Variants in UIMC1 observed in about 807,000 individuals in gnomAD.
The protein encoded by UIMC1 is ubiquitin interaction motif containing 1, also known as BRCA1-A complex subunit RAP80.
UIMC1 carries 42 observed loss-of-function variants against 84.9 expected under a neutral mutation model. The ratio of observed to expected loss-of-function variants is 0.49; its 90% CI spans 0.39 to 0.64. The LOEUF is 0.64. Ranked by LOEUF, UIMC1 falls within the 30% of genes least tolerant of loss-of-function variation. The pLI is 0.00. For missense variants in UIMC1, 825 were observed against 847.6 expected (o/e 0.97, Z 0.33); for synonymous variants, 281 against 293.0 (o/e 0.96, Z 0.42).
intron 12 of UIMC1, 105 bp from the exon 13 acceptor site, chr5:176,907,282 G>A: frequency 1.8e-6 from 2 of 1,103,548 alleles, no homozygotes; most frequent in East Asian, 2.6e-5. Context: ...AAGGTGTGGG[G>A]GCCACAGCTC....
intron 1 of UIMC1, among the ~76,000 whole-genome samples, chr5:176,999,252 TAA>T (rs1175673575): frequency 5.9e-5 from 9 of 152,166 alleles, no homozygotes; most frequent in African/African-American, 1.9e-4. Context: ...TTTTAGCATA[TAA>T]GTCTTATACA....
intron 1 of UIMC1, among the ~76,000 whole-genome samples, chr5:176,983,573 C>T (rs1235587126): frequency 3.9e-5 from 6 of 151,998 alleles, no homozygotes; most frequent in Admixed American, 1.3e-4. Context: ...GGCATGATCT[C>T]GGCTCGCTAC....
intron 13 of UIMC1, 97 bp from the exon 14 acceptor site, chr5:176,906,144 C>G (rs1561698771): frequency 5.3e-6 from 6 of 1,129,746 alleles, no homozygotes; most frequent in Non-Finnish European, 7.8e-6. Context: ...GGCACTGCTT[C>G]TCATCAGGCC....
chr5:176,913,426 T>TTAAC (rs1760522584), intron 10 of UIMC1, among the ~76,000 whole-genome samples: 2 of 152,270 alleles, frequency 1.3e-5, no homozygotes, highest in Admixed American at 6.5e-5. Context: ...ACCTTCCTAA[T>TTAAC]TAACCTCTTT....
At chr5:176,943,065 A>AG (rs1764638279) in intron 10 of UIMC1, among the ~76,000 whole-genome samples, 1 of 150,642 alleles carries the variant, frequency 6.6e-6, no homozygotes, top group Non-Finnish European at 1.5e-5. Context: ...CTCAAAAAAC[A>AG]AACAGAACAA....
chr5:176,980,512 C>A (rs1770870745), intron 2 of UIMC1, among the ~76,000 whole-genome samples: 1 of 152,150 alleles, frequency 6.6e-6, no homozygotes, highest in Non-Finnish European at 1.5e-5. Flanking sequence ...GAAGAAATTA[C>A]TGCCTTCAGA....
chr5:176,996,998 A>G (rs373543322), intron 1 of UIMC1, among the ~76,000 whole-genome samples: 9 of 152,202 alleles, frequency 5.9e-5, no homozygotes, highest in African/African-American at 2.2e-4. Flanking sequence ...CTTCCTACAT[A>G]ACCCTGCTCA....
At chr5:176,963,387 G>A (rs927042090) in intron 6 of UIMC1, among the ~76,000 whole-genome samples, 25 of 151,874 alleles carry the variant, frequency 1.6e-4, no homozygotes, top group Non-Finnish European at 4.4e-5. Flanking sequence ...CAGGCATGGT[G>A]GTGCATGCCT....
intron 1 of UIMC1, among the ~76,000 whole-genome samples, chr5:177,012,495 C>T (rs1437839834): frequency 6.6e-6 from 1 of 152,082 alleles, no homozygotes; most frequent in East Asian, 1.9e-4. Flanking sequence ...GGGTTCGTGA[C>T]CAGCCTGGCC....
intron 1 of UIMC1, among the ~76,000 whole-genome samples, chr5:176,996,926 A>C (rs930662013): frequency 1.3e-5 from 2 of 152,168 alleles, no homozygotes; most frequent in African/African-American, 4.8e-5. Context: ...ATAAACTCTC[A>C]AAATATCCCA....
chr5:176,912,360 T>G (rs1286449227), intron 10 of UIMC1, among the ~76,000 whole-genome samples: 1 of 152,248 alleles, frequency 6.6e-6, no homozygotes, highest in South Asian at 2.1e-4. Context: ...CTGGTTAGAT[T>G]TGACCCATGG....
intron 1 of UIMC1, among the ~76,000 whole-genome samples, chr5:176,986,677 C>G (rs1772074979): frequency 6.6e-6 from 1 of 151,808 alleles, no homozygotes; most frequent in Non-Finnish European, 1.5e-5. Flanking sequence ...CCTGTCTCTA[C>G]AAAAAATTAA....
intron 7 of UIMC1, 119 bp downstream of exon 7, chr5:176,957,974 T>C: frequency 1.2e-6 from 1 of 833,266 alleles, no homozygotes; most frequent in Non-Finnish European, 1.8e-6. Context: ...TAGTCTTCAC[T>C]TATAAAAGAG....
intron 1 of UIMC1, among the ~76,000 whole-genome samples, chr5:176,984,853 C>A (rs1771723128): frequency 6.6e-6 from 1 of 152,178 alleles, no homozygotes. Context: ...GGATTAAGGG[C>A]AGTGCAAGAT....
intron 10 of UIMC1, among the ~76,000 whole-genome samples, chr5:176,915,937 T>G (rs1760931337): frequency 6.6e-6 from 1 of 151,358 alleles, no homozygotes; most frequent in Non-Finnish European, 1.5e-5. Context: ...AAGTGGTAAG[T>G]GGTAAATAAG....
chr5:176,919,763 T>C (rs796662686), intron 10 of UIMC1, among the ~76,000 whole-genome samples: 5 of 152,366 alleles, frequency 3.3e-5, no homozygotes, highest in African/African-American at 1.2e-4. Flanking sequence ...TTTCCCCCAC[T>C]GAATTGTCTT....
chr5:176,989,977 G>A (rs1385061437), intron 1 of UIMC1, among the ~76,000 whole-genome samples: 2 of 152,074 alleles, frequency 1.3e-5, no homozygotes, highest in Middle Eastern at 3.4e-3. Context: ...TCAGGAGATC[G>A]AGACCATCCT....
chr5:176,905,680 A>T, intron 14 of UIMC1, 188 bp from the exon 15 acceptor site: 1 of 668,102 alleles, frequency 1.5e-6, no homozygotes, highest in East Asian at 2.7e-5. Flanking sequence ...ATACTACTTA[A>T]AGCTGGCCAT....
chr5:176,969,948 C>T (rs1431283380), intron 4 of UIMC1: 1 of 410,292 alleles, frequency 2.4e-6, no homozygotes, highest in East Asian at 4.1e-5. Context: ...TGGTTCAGGA[C>T]CTGCCACTGG....
Sources: gnomAD v4.1 joint callset for allele counts (sites outside exome capture counted in the v4.1 genomes callset) on GRCh38, gnomAD v4.1.1 for gene constraint, MANE v1.5 for transcripts, NCBI Gene and HGNC (gene_info 2026-07-23, HGNC 2026-07-21) for gene names.